Variants in FILIP1L observed in about 807,000 individuals in gnomAD.
FILIP1L encodes the protein filamin A interacting protein 1 like.
FILIP1L carries 55 observed loss-of-function variants against 96.6 expected under a neutral mutation model. That is an observed-to-expected ratio of 0.57 (90% CI 0.46 to 0.71). The LOEUF is 0.71. Among genes scored for constraint, FILIP1L ranks in the 30% least tolerant of loss-of-function variants. FILIP1L has a pLI of 0.00. For synonymous variants in FILIP1L, 467 were observed against 473.9 expected (o/e 0.99, Z 0.19); for missense variants, 1,304 against 1,321.2 (o/e 0.99, Z 0.20).
chr3:100,041,225 A>G (rs976776625), intron 1 of FILIP1L: 1 of 152,154 alleles, frequency 6.6e-6, no homozygotes, highest in East Asian at 1.9e-4. Context: ...GAATCTACAA[A>G]ATGGCCTACC....
intron 1 of FILIP1L, among the ~76,000 whole-genome samples, chr3:100,071,518 G>C (rs1272838197): frequency 2.0e-5 from 3 of 152,142 alleles, no homozygotes; most frequent in Non-Finnish European, 4.4e-5. Flanking sequence ...ATGGGAGAAG[G>C]GTGGGGGGCA....
intron 1 of FILIP1L, among the ~76,000 whole-genome samples, chr3:99,966,287 G>A (rs1708649148): frequency 6.6e-6 from 1 of 152,160 alleles, no homozygotes; most frequent in African/African-American, 2.4e-5. Flanking sequence ...ACTCCAGGCA[G>A]ATCTCCTGGG....
intron 4 of FILIP1L, among the ~76,000 whole-genome samples, chr3:99,897,017 C>G (rs1241704363): frequency 6.6e-6 from 1 of 152,036 alleles, no homozygotes; most frequent in East Asian, 1.9e-4. Flanking sequence ...TTTCTCAGAA[C>G]AAATTTTTTT....
intron 1 of FILIP1L, among the ~76,000 whole-genome samples, chr3:100,042,345 AC>A (rs371912950): frequency 4.3e-3 from 651 of 152,344 alleles, no homozygotes; most frequent in Non-Finnish European, 7.4e-3. Context: ...TAACAAAAAA[AC>A]ATTGGCTCTG....
At chr3:99,924,505 TG>T in intron 3 of FILIP1L, 97 bp from the exon 4 acceptor site, 1 of 1,260,194 alleles carries the variant, frequency 7.9e-7, no homozygotes, top group Non-Finnish European at 1.1e-6. Flanking sequence ...AATTCGGCAG[TG>T]GGTTTTTTTG....
chr3:100,062,953 T>A (rs951993581), intron 1 of FILIP1L, among the ~76,000 whole-genome samples: 1 of 152,208 alleles, frequency 6.6e-6, no homozygotes, highest in Non-Finnish European at 1.5e-5. Flanking sequence ...AGACGTTTTG[T>A]TCAGCACGAA....
At chr3:99,871,637 G>C (rs1331894666) in intron 4 of FILIP1L, among the ~76,000 whole-genome samples, 1 of 152,174 alleles carries the variant, frequency 6.6e-6, no homozygotes, top group East Asian at 1.9e-4. Context: ...TGAAGGCATT[G>C]AGTCACTTTG....
intron 1 of FILIP1L, among the ~76,000 whole-genome samples, chr3:99,986,488 GA>G (rs1709345710): frequency 6.6e-6 from 1 of 152,166 alleles, no homozygotes; most frequent in Admixed American, 6.5e-5. Flanking sequence ...TCTGAAAGTT[GA>G]TAGTGAAAGA....
chr3:100,069,762 T>C (rs2065728999), intron 1 of FILIP1L, among the ~76,000 whole-genome samples: 1 of 152,078 alleles, frequency 6.6e-6, no homozygotes, highest in Non-Finnish European at 1.5e-5. Context: ...ATTTCAGAAT[T>C]TGTGGTAAGA....
chr3:99,994,089 T>G (rs1709602746), intron 1 of FILIP1L, among the ~76,000 whole-genome samples: 1 of 152,224 alleles, frequency 6.6e-6, no homozygotes, highest in South Asian at 2.1e-4. Context: ...TGAATCCATT[T>G]GATCTTGTGC....
chr3:100,096,445 T>G (rs1264947503), intron 1 of FILIP1L, among the ~76,000 whole-genome samples: 1 of 152,184 alleles, frequency 6.6e-6, no homozygotes, highest in East Asian at 1.9e-4. Context: ...GATAATGAGA[T>G]CCTGTCATTT....
chr3:99,919,934 C>CA (rs1163489159), intron 4 of FILIP1L, among the ~76,000 whole-genome samples: 2 of 152,222 alleles, frequency 1.3e-5, no homozygotes, highest in African/African-American at 4.8e-5. Flanking sequence ...TCTATCTAGT[C>CA]AAACTTGGAC....
chr3:99,985,392 C>A (rs955241930), intron 1 of FILIP1L, among the ~76,000 whole-genome samples: 2 of 151,986 alleles, frequency 1.3e-5, no homozygotes, highest in Admixed American at 1.3e-4. Flanking sequence ...ATTAGCTGGG[C>A]ATGGTGGTGC....
intron 1 of FILIP1L, among the ~76,000 whole-genome samples, chr3:100,034,686 G>C (rs2065077764): frequency 6.6e-6 from 1 of 152,038 alleles, no homozygotes; most frequent in Admixed American, 6.6e-5. Flanking sequence ...ATTTATGATG[G>C]GGAACCCTCA....
At chr3:100,026,402 C>T (rs2064922073) in intron 1 of FILIP1L, among the ~76,000 whole-genome samples, 1 of 151,456 alleles carries the variant, frequency 6.6e-6, no homozygotes. Flanking sequence ...GGAGCAAGGT[C>T]GATAGTGAAC....
At chr3:99,907,721 A>G (rs557630263) in intron 4 of FILIP1L, among the ~76,000 whole-genome samples, 22 of 152,140 alleles carry the variant, frequency 1.4e-4, no homozygotes, top group African/African-American at 5.1e-4. Flanking sequence ...GTCCACCTAT[A>G]ATGATTTTTG....
At chr3:99,855,698 CT>C (rs1943927668) in intron 4 of FILIP1L, among the ~76,000 whole-genome samples, 2 of 152,226 alleles carry the variant, frequency 1.3e-5, no homozygotes, top group Admixed American at 1.3e-4. Flanking sequence ...CATTTGTATT[CT>C]TTTTAAAAAG....
At chr3:99,960,694 G>A (rs1041396943) in intron 1 of FILIP1L, among the ~76,000 whole-genome samples, 3 of 152,112 alleles carry the variant, frequency 2.0e-5, no homozygotes, top group Admixed American at 6.5e-5. Flanking sequence ...GGGATTGAGG[G>A]GAGGAACACT....
intron 1 of FILIP1L, among the ~76,000 whole-genome samples, chr3:99,976,829 A>C (rs1351908319): frequency 6.6e-6 from 1 of 152,092 alleles, no homozygotes; most frequent in East Asian, 1.9e-4. Flanking sequence ...TATCTCTTCA[A>C]ATATTTCTTC....
Sources: gnomAD v4.1 joint callset for allele counts (sites outside exome capture counted in the v4.1 genomes callset) on GRCh38, gnomAD v4.1.1 for gene constraint, MANE v1.5 for transcripts, NCBI Gene and HGNC (gene_info 2026-07-23, HGNC 2026-07-21) for gene names.